EPHA8: variants seen among roughly 807,000 people sequenced by gnomAD.
The protein encoded by EPHA8 is EPH receptor A8.
In EPHA8, 58 loss-of-function variants were observed where a neutral mutation model predicts 103.6. The observed-to-expected ratio is 0.56, with a 90% CI of 0.45 to 0.70. EPHA8 has a LOEUF of 0.70. Ranked by LOEUF, EPHA8 falls within the 30% of genes least tolerant of loss-of-function variation. The probability of loss-of-function intolerance (pLI) is 0.00; values close to 1 mark genes in which losing one functional copy is unlikely to be tolerated. For missense variants in EPHA8, 1,304 were observed against 1,395.2 expected (o/e 0.93, Z 1.04); for synonymous variants, 559 against 572.5 (o/e 0.98, Z 0.34).
chr1:22,601,625 AG>A lies in EPHA8; in HGVS notation c.2905del. On this transcript the variant is annotated splice_acceptor_variant, in intron 16 of 16. Coordinates refer to ENST00000166244, the MANE Select transcript of EPHA8 (RefSeq NM_020526.5). LOFTEE classifies it high-confidence loss of function. ...CTGGCCAGCAGCACCCTTCCTTCAC[AG>A]GGACGTGCGCGCCCTGGGCATCACC... 2 of 1,589,818 alleles carry A rather than the reference AG, an allele frequency of 1.3e-6. No homozygotes were observed. The highest frequency in any genetic ancestry group is 8.6e-7 in the Non-Finnish European group (1 of 1,168,426).
In EPHA8 at chr1:22,601,377, G is replaced by T; in HGVS notation, c.2807G>T (p.Gly936Val). ...GSGGGGGLTV[G>V]DWLDSIRMGR... ...GGTGGCGGTGGGGGCCTCACCGTGGGGGACTGGCTGGACTCCATCCGCATG... is the reference window on the plus strand; with the variant it reads ...GGTGGCGGTGGGGGCCTCACCGTGGTGGACTGGCTGGACTCCATCCGCATG... Residue 936 changes from glycine to valine, a missense_variant, in exon 16 of 17, where the codon GGG becomes GTG. Physicochemically the swap from Gly to Val is moderately radical, Grantham distance 109. Transcript: ENST00000166244. The T allele has an allele frequency of 6.2e-7, 1 of 1,610,440 alleles. No homozygotes were observed.
In EPHA8 at chr1:22,599,025, C is replaced by T. The variant is rs369475595; in HGVS notation, c.2366C>T (p.Pro789Leu). Reference sequence around the variant, plus strand: ...CTCTCACGGGTGCTGGAGGACGACCCGGATGCTGCCTACACCACCACGGTG... The same window carrying T: ...CTCTCACGGGTGCTGGAGGACGACCTGGATGCTGCCTACACCACCACGGTG... ...FGLSRVLEDDPDAAYTTTGGK... is the reference protein window; with the variant it reads ...FGLSRVLEDDLDAAYTTTGGK... The change falls in exon 13 of 17, where the codon CCG becomes CTG. Residue 789 changes from proline (P) to leucine (L), a missense_variant. Coordinates refer to ENST00000166244, the MANE Select transcript of EPHA8 (RefSeq NM_020526.5). The T allele has an allele frequency of 9.3e-5, 150 of 1,608,136 alleles. No individual in the cohort carries two copies. The highest frequency in any genetic ancestry group is 9.8e-5 in the Non-Finnish European group (116 of 1,177,930).
chr1:22,575,231 G>A (rs1382161310), intron 2 of EPHA8, among the ~76,000 whole-genome samples: 3 of 150,894 alleles, frequency 2.0e-5, no homozygotes, highest in African/African-American at 4.9e-5. Flanking sequence ...GATTACAGGC[G>A]TGAGCCACCG....
At position 22,600,954 on chromosome 1, in the gene EPHA8, C is replaced by A. The variant is rs367752791; in HGVS notation, c.2595C>A (p.His865Gln). Reference protein sequence around the residue: ...YRLPAPMGCPHALHQLMLDCW... With the variant: ...YRLPAPMGCPQALHQLMLDCW... ...TGCCCGCACCCATGGGCTGCCCCCA[C>A]GCCCTGCACCAGCTCATGCTCGACT... is the stretch of plus-strand genomic sequence containing the variant. Residue 865 changes from histidine (H) to glutamine (Q), a missense_variant, in exon 15 of 17, where the codon CAC becomes CAA. His to Gln is a conservative substitution (Grantham distance 24, BLOSUM62 0). Coordinates refer to ENST00000166244, the MANE Select transcript of EPHA8 (RefSeq NM_020526.5). 2.5e-6 allele frequency: 4 copies of A among 1,612,734 alleles called. No homozygotes were observed. The highest frequency in any genetic ancestry group is 2.5e-6 in the Non-Finnish European group (3 of 1,179,690).
Position 22,601,414 on chromosome 1 carries a change from A to T in EPHA8, c.2844A>T (p.Arg948=). The change falls in exon 16 of 17, where the codon CGA becomes CGT. Residue 948 remains arginine (R), a synonymous_variant. Transcript: ENST00000166244. Reference sequence around the variant, plus strand: ...ACTCCATCCGCATGGGCCGGTACCGAGACCACTTCGCTGCGGGCGGATACT... The same window carrying T: ...ACTCCATCCGCATGGGCCGGTACCGTGACCACTTCGCTGCGGGCGGATACT... The part of the protein sequence containing the change: ...WLDSIRMGRY[R]DHFAAGGYSS... The T allele has an allele frequency of 2.5e-6, 4 of 1,611,254 alleles. No homozygotes were observed. The highest frequency in any genetic ancestry group is 3.4e-6 in the Non-Finnish European group (4 of 1,179,832).
Position 22,569,176 on chromosome 1 carries a change from G to C in EPHA8, c.95-113G>C, listed in dbSNP as rs1640453330. 7 of 991,936 alleles carry C rather than the reference G, an allele frequency of 7.1e-6. No individual in the cohort carries two copies. In the Admixed American group the frequency reaches 1.3e-4, roughly 19 times the overall value. The allele number at this position is 991,936 out of a possible 1,614,324, so 61.4% of individuals were successfully genotyped here. On this transcript the variant is annotated intron_variant, in intron 1 of 16. Coordinates refer to ENST00000166244, the MANE Select transcript of EPHA8 (RefSeq NM_020526.5). The surrounding 1 kb of genome is among the most constrained non-coding windows in gnomAD (Gnocchi z 4.5). The stretch of plus-strand genomic sequence containing the variant: ...AGGGCATTCAGGCAGAGGGACCCGT[G>C]TGAGCTGTGTGCTGGGGGCTGAGTG...
rs1298332967 is a variant in EPHA8, at chr1:22,596,129, T to G, written c.1721T>G (p.Phe574Cys). 3 of 1,613,926 alleles carry G rather than the reference T, an allele frequency of 1.9e-6. No individual in the cohort carries two copies. The highest frequency in any genetic ancestry group is 2.5e-6 in the Non-Finnish European group (3 of 1,179,966). ...AGGCACTGTGGCTACAGCAAGGCCT[T>G]CCAGGACTCGGACGAGGAGAAGATG... is the stretch of plus-strand genomic sequence containing the variant. The part of the protein sequence containing the change: ...KKRHCGYSKA[F>C]QDSDEEKMHY... Residue 574 changes from phenylalanine (F) to cysteine (C), a missense_variant, in exon 9 of 17, where the codon TTC becomes TGC. Coordinates refer to ENST00000166244, the MANE Select transcript of EPHA8 (RefSeq NM_020526.5).
At chr1:22,586,152 CAG>C (rs1641198957) in intron 3 of EPHA8, among the ~76,000 whole-genome samples, 1 of 152,118 alleles carries the variant, frequency 6.6e-6, no homozygotes, top group Middle Eastern at 3.2e-3. Context: ...AAGCTGGAGA[CAG>C]GGCCTGGGGG....
intron 13 of EPHA8, among the ~76,000 whole-genome samples, chr1:22,599,793 AAGG>A (rs1415511484): frequency 4.9e-4 from 28 of 56,690 alleles, no homozygotes; most frequent in African/African-American, 1.7e-3. Context: ...AGGGAAAAGA[AAGG>A]AGGGAAGGAA....
Position 22,600,647 on chromosome 1 carries a change from T to C in EPHA8, c.2389-14T>C, listed in dbSNP as rs544706033. 1.9e-5 allele frequency: 31 copies of C among 1,612,388 alleles called. No homozygotes were observed. In the African/African-American group the frequency reaches 3.5e-4, roughly 18 times the overall value. On this transcript the variant is annotated splice_polypyrimidine_tract_variant and intron_variant, in intron 13 of 16. Coordinates refer to ENST00000166244, the MANE Select transcript of EPHA8 (RefSeq NM_020526.5). ...GGCCTGGGCAGCCCCTCAACTCTTG[T>C]GTGTCCGTCGCAGGGCGGGAAGATC... is the stretch of plus-strand genomic sequence containing the variant.
intron 1 of EPHA8, among the ~76,000 whole-genome samples, chr1:22,568,434 G>A (rs528443688): frequency 5.7e-4 from 87 of 152,336 alleles, no homozygotes; most frequent in African/African-American, 2.0e-3. Context: ...CAGGGATGGT[G>A]GATGGCCTGC....
At chr1:22,590,570 C>T (rs1641346041) in intron 5 of EPHA8, among the ~76,000 whole-genome samples, 1 of 152,140 alleles carries the variant, frequency 6.6e-6, no homozygotes, top group African/African-American at 2.4e-5. Context: ...GCTCGTGTGT[C>T]CCAGCCCACG....
chr1:22,586,354 G>A (rs1199539335), intron 3 of EPHA8, 126 bp from the exon 4 acceptor site: 2 of 1,151,790 alleles, frequency 1.7e-6, no homozygotes, highest in Admixed American at 2.1e-5. Context: ...ACTGGGCAGT[G>A]TGAAGGTCTG....
In EPHA8 at chr1:22,589,114, A is replaced by T. The variant is rs1553147565; in HGVS notation, c.1223A>T (p.Tyr408Phe). Reference sequence around the variant, plus strand: ...GCCAACCTGCTGGCCCACATGAACTACTCCTTCTGGATCGAGGCCGTCAAT... The same window carrying T: ...GCCAACCTGCTGGCCCACATGAACTTCTCCTTCTGGATCGAGGCCGTCAAT... ...LVANLLAHMNYSFWIEAVNGV... is the reference protein window; with the variant it reads ...LVANLLAHMNFSFWIEAVNGV... The change falls in exon 5 of 17, where the codon TAC (tyrosine) becomes TTC (phenylalanine). Residue 408 changes from tyrosine (Y) to phenylalanine (F), a missense_variant. Transcript: ENST00000166244. The surrounding 1 kb of genome is among the most constrained non-coding windows in gnomAD (Gnocchi z 4.3). 1.2e-6 allele frequency: 2 copies of T among 1,613,316 alleles called. No individual in the cohort carries two copies. Among genetic ancestry groups the T allele is most frequent in the South Asian group, 2.2e-5 (2 of 91,026 alleles).
At chr1:22,580,944 G>T (rs1349724348) in intron 3 of EPHA8, among the ~76,000 whole-genome samples, 1 of 152,194 alleles carries the variant, frequency 6.6e-6, no homozygotes, top group Admixed American at 6.5e-5. Context: ...TTCAGGTGGG[G>T]CTAATGAAGG....
intron 7 of EPHA8, among the ~76,000 whole-genome samples, chr1:22,594,897 C>T (rs1641474153): frequency 6.6e-6 from 1 of 152,194 alleles, no homozygotes; most frequent in Admixed American, 6.5e-5. Context: ...CAGCACACTC[C>T]GTGTTGTCAC....
In EPHA8 at chr1:22,589,773, G is replaced by T. The variant is rs1641326471; in HGVS notation, c.1315+567G>T. Among the ~76,000 whole-genome samples, 1 of 152,044 alleles carries T rather than the reference G, an allele frequency of 6.6e-6. No individual in the cohort carries two copies. Among genetic ancestry groups the T allele is most frequent in the Non-Finnish European group, 1.5e-5 (1 of 68,010 alleles). Reference sequence around the variant, plus strand: ...CGGAACCTCTTTCTTCCCAAACTCTGGAGGACCCTGCCCGTCAAGTGACAG... The same window carrying T: ...CGGAACCTCTTTCTTCCCAAACTCTTGAGGACCCTGCCCGTCAAGTGACAG... On this transcript the variant is annotated intron_variant, in intron 5 of 16. Coordinates refer to ENST00000166244, the MANE Select transcript of EPHA8 (RefSeq NM_020526.5). This position sits in a 1 kb window ranked among gnomAD's most constrained non-coding sequence, Gnocchi z 4.3.
chr1:22,579,763 G>A (rs1640988682), intron 3 of EPHA8, among the ~76,000 whole-genome samples: 1 of 152,150 alleles, frequency 6.6e-6, no homozygotes, highest in Non-Finnish European at 1.5e-5. Flanking sequence ...TATATGCAGG[G>A]ATCAGAGAGA....
chr1:22,592,391 G>C (rs1235991868), intron 5 of EPHA8, among the ~76,000 whole-genome samples: 1 of 152,206 alleles, frequency 6.6e-6, no homozygotes, highest in Non-Finnish European at 1.5e-5. Context: ...TCCGCAGACA[G>C]CAAGTGACTC....
Sources: allele counts gnomAD v4.1 joint callset (sites outside exome capture counted in the v4.1 genomes callset), GRCh38; gene constraint gnomAD v4.1.1; non-coding constraint Gnocchi (gnomAD v3.1); transcripts MANE v1.5; gene names NCBI Gene and HGNC (gene_info 2026-07-23, HGNC 2026-07-21).